ZNF554: variants seen among roughly 807,000 people sequenced by gnomAD.
ZNF554 encodes zinc finger protein 554.
A neutral mutation model predicts 21.2 loss-of-function variants in ZNF554; 15 were observed. The ratio of observed to expected loss-of-function variants is 0.71; its 90% CI spans 0.47 to 1.09. The LOEUF (loss-of-function observed/expected upper bound fraction) is 1.09. Among genes scored for constraint, ZNF554 ranks in the 50% least tolerant of loss-of-function variants. The pLI is 0.00. For synonymous variants in ZNF554, 258 were observed against 251.4 expected (o/e 1.03, Z -0.25); for missense variants, 691 against 662.7 (o/e 1.04, Z -0.47).
At chr19:2,823,588 C>T (rs922295214) in intron 2 of ZNF554, among the ~76,000 whole-genome samples, 6 of 152,102 alleles carry the variant, frequency 3.9e-5, no homozygotes, top group Admixed American at 6.5e-5. Context: ...GCAAGTCATT[C>T]GGACGTCTCT....
At chr19:2,831,438 G>T (rs2087416552) in intron 3 of ZNF554, 1 of 151,924 alleles carries the variant, frequency 6.6e-6, no homozygotes, top group African/African-American at 2.4e-5. Flanking sequence ...GGGACTACAG[G>T]CGCCTGCCAC....
chr19:2,833,559 AG>A, intron 4 of ZNF554, 121 bp from the exon 5 acceptor site: 1 of 771,964 alleles, frequency 1.3e-6, no homozygotes, highest in African/African-American at 1.7e-5. Context: ...GCATGTTCAG[AG>A]TTGATATTTG....
chr19:2,833,207 G>GTGGTCGCCGT, intron 4 of ZNF554: 1 of 155,986 alleles, frequency 6.4e-6, no homozygotes. Context: ...TGTGATCTCG[G>GTGGTCGCCGT]CTCACTGCAA....
At position 2,836,344 on chromosome 19, in the gene ZNF554, G is replaced by A. The variant is rs548495131; in HGVS notation, c.*1492G>A. 9.9e-5 allele frequency among the ~76,000 whole-genome samples: 15 copies of A among 152,278 alleles called. No individual in the cohort carries two copies. The highest frequency in any genetic ancestry group is 9.6e-4 in the East Asian group (5 of 5,182). On this transcript the variant is annotated 3_prime_UTR_variant, in exon 5 of 5. Coordinates refer to ENST00000317243, the MANE Select transcript of ZNF554 (RefSeq NM_001102651.2). ...GCTGGGATTATGGGTGCGAGCCGCC[G>A]TGCTGGGATTACAGGTGTGAACCAC...
chr19:2,822,655 G>A (rs2087278773), intron 1 of ZNF554, among the ~76,000 whole-genome samples: 1 of 152,216 alleles, frequency 6.6e-6, no homozygotes, highest in South Asian at 2.1e-4. Flanking sequence ...TGAGGAAGGT[G>A]GATCCCTTGA....
At position 2,820,684 on chromosome 19, in the gene ZNF554, C is replaced by CTTTTTTTTTTT. The variant is rs762586098; in HGVS notation, c.53+566_53+576dup. On this transcript the variant is annotated intron_variant, in intron 1 of 4. Transcript: ENST00000317243. Reference sequence around the variant, plus strand: ...TCCTGGTGATAAGACAGCAAGGGTCCTTTTTTTTTTTTTTTTGAGACGGAG... The same window carrying CTTTTTTTTTTT: ...TCCTGGTGATAAGACAGCAAGGGTCCTTTTTTTTTTTTTTTTTTTTTTTTTTTGAGACGGAG... 2.5e-3 allele frequency among the ~76,000 whole-genome samples: 257 copies of CTTTTTTTTTTT among 103,108 alleles called. 30 individuals carry two copies. The highest frequency in any genetic ancestry group is 3.7e-3 in the Non-Finnish European group (188 of 50,410). 67.6% of individuals were successfully genotyped at this position (103,108 alleles called of 152,430 possible). A position where few individuals can be genotyped will look rare whatever the true frequency, so the allele number is the denominator to read the frequency against.
rs905219049 is a variant in ZNF554 at position 2,835,201 on chromosome 19, G to A, written c.*349G>A. 3.4e-5 allele frequency: 7 copies of A among 206,104 alleles called. No homozygotes were observed. Among genetic ancestry groups the A allele is most frequent in the African/African-American group, 1.2e-4 (5 of 43,158 alleles). The allele number at this position is 206,104 out of a possible 1,614,324, so 12.8% of individuals were successfully genotyped here. On this transcript the variant is annotated 3_prime_UTR_variant, in exon 5 of 5. Transcript: ENST00000317243. The stretch of plus-strand genomic sequence containing the variant: ...TATTATAGAGTGGGAGGCAGGGTGC[G>A]GTGGCTCATGCCTATAATCCTAACA...
In ZNF554 at chr19:2,819,993, A is replaced by C; in HGVS notation, c.-79A>C. ...GCCGAGCGGAGGAGGCGTCCCAGGG[A>C]CACGCAGGGGAGGCCGGCCGGCCTG... On this transcript the variant is annotated 5_prime_UTR_variant, in exon 1 of 5. Coordinates refer to ENST00000317243, the MANE Select transcript of ZNF554 (RefSeq NM_001102651.2). 9.2e-7 allele frequency: 1 copy of C among 1,091,072 alleles called. No individual in the cohort carries two copies. The highest frequency in any genetic ancestry group is 1.1e-6 in the Non-Finnish European group (1 of 871,818). The allele number at this position is 1,091,072 out of a possible 1,614,324, so 67.6% of individuals were successfully genotyped here.
chr19:2,832,553 T>G, intron 4 of ZNF554, 59 bp downstream of exon 4: 1 of 1,505,038 alleles, frequency 6.6e-7, no homozygotes, highest in Non-Finnish European at 8.9e-7. Context: ...GAAACATTGG[T>G]CAGAGAGCTC....
intron 3 of ZNF554, among the ~76,000 whole-genome samples, chr19:2,830,368 A>G (rs1180326929): frequency 2.0e-5 from 3 of 152,214 alleles, no homozygotes; most frequent in Non-Finnish European, 1.5e-5. Context: ...AGAAGATTCC[A>G]TCGTGTGTAT....
At chr19:2,827,366 A>G (rs1197096895) in intron 2 of ZNF554, among the ~76,000 whole-genome samples, 1 of 152,194 alleles carries the variant, frequency 6.6e-6, no homozygotes, top group Non-Finnish European at 1.5e-5. Flanking sequence ...GTTCAATAAG[A>G]AATGGGCAAA....
chr19:2,827,616 G>A lies in ZNF554; in HGVS notation c.127-1G>A. 4 of 1,612,770 alleles carry A rather than the reference G, an allele frequency of 2.5e-6. No individual in the cohort carries two copies. The highest frequency in any genetic ancestry group is 3.4e-6 in the Non-Finnish European group (4 of 1,179,492). Reference sequence around the variant, plus strand: ...TGAGCAGAACTGCTGTGATATTCTAGGAATTAGTAACCTTTGAGGACGTGT... The same window carrying A: ...TGAGCAGAACTGCTGTGATATTCTAAGAATTAGTAACCTTTGAGGACGTGT... On this transcript the variant is annotated splice_acceptor_variant, in intron 2 of 4. Coordinates refer to ENST00000317243, the MANE Select transcript of ZNF554 (RefSeq NM_001102651.2). LOFTEE classifies it high-confidence loss of function.
At chr19:2,829,767 C>T (rs2087388034) in intron 3 of ZNF554, among the ~76,000 whole-genome samples, 1 of 152,126 alleles carries the variant, frequency 6.6e-6, no homozygotes, top group Non-Finnish European at 1.5e-5. Context: ...TAAATGCATT[C>T]AGCATGTACT....
chr19:2,821,500 G>A lies in ZNF554; in HGVS notation c.53+1376G>A, dbSNP rs567107597. Among the ~76,000 whole-genome samples the A allele has an allele frequency of 6.6e-6, 1 of 151,996 alleles. No homozygotes were observed. The highest frequency in any genetic ancestry group is 2.1e-4 in the South Asian group (1 of 4,826). Reference sequence around the variant, plus strand: ...CAGAAGCCCAACATGAAGATGTGGTGGGGCCGTGGTGCTTCTGAAGGCTCT... The same window carrying A: ...CAGAAGCCCAACATGAAGATGTGGTAGGGCCGTGGTGCTTCTGAAGGCTCT... On this transcript the variant is annotated intron_variant, in intron 1 of 4. Transcript: ENST00000317243. This position sits in a 1 kb window ranked among gnomAD's most constrained non-coding sequence, Gnocchi z 8.2.
Position 2,826,205 on chromosome 19 carries a change from C to CTTTTTTTTTTTTTTTT in ZNF554, c.127-1410_127-1395dup, listed in dbSNP as rs75805232. On this transcript the variant is annotated intron_variant, in intron 2 of 4. Transcript: ENST00000317243. The stretch of plus-strand genomic sequence containing the variant: ...GTGAGCCACCGTGCCCAGCCAGTAA[C>CTTTTTTTTTTTTTTTT]TTTTTTTTTTTTTTTTTGAAATGGA... 3.2e-5 allele frequency: 3 copies of CTTTTTTTTTTTTTTTT among 93,782 alleles called. 1 individual carries two copies. The highest frequency in any genetic ancestry group is 4.3e-5 in the African/African-American group (1 of 23,464). 5.8% of individuals were successfully genotyped at this position (93,782 alleles called of 1,614,324 possible).
intron 2 of ZNF554, among the ~76,000 whole-genome samples, chr19:2,826,058 G>A (rs749155800): frequency 1.3e-5 from 2 of 151,676 alleles, no homozygotes; most frequent in Non-Finnish European, 2.9e-5. Context: ...CCGTCACCAC[G>A]CTTGACTAAT....
In ZNF554 at chr19:2,820,011, C is replaced by G. The variant is rs2087240348; in HGVS notation, c.-61C>G. ...CCCAGGGACACGCAGGGGAGGCCGG[C>G]CGGCCTGCACGGGGCGCTCCCGCCT... On this transcript the variant is annotated 5_prime_UTR_variant, in exon 1 of 5. Coordinates refer to ENST00000317243, the MANE Select transcript of ZNF554 (RefSeq NM_001102651.2). The G allele has an allele frequency of 8.5e-7, 1 of 1,173,132 alleles. No individual in the cohort carries two copies. Among genetic ancestry groups the G allele is most frequent in the Non-Finnish European group, 1.1e-6 (1 of 945,012 alleles). 72.7% of individuals were successfully genotyped at this position (1,173,132 alleles called of 1,614,324 possible).
Position 2,820,136 on chromosome 19 carries a change from C to T in ZNF554, c.53+12C>T, listed in dbSNP as rs1167418409. The T allele has an allele frequency of 8.2e-7, 1 of 1,219,146 alleles. No homozygotes were observed. Among genetic ancestry groups the T allele is most frequent in the African/African-American group, 1.6e-5 (1 of 63,770 alleles). 75.5% of individuals were successfully genotyped at this position (1,219,146 alleles called of 1,614,324 possible). A position where few individuals can be genotyped will look rare whatever the true frequency, so the allele number is the denominator to read the frequency against. ...CCGGCAGCTCAGCCGTAAGTGCCGC[C>T]GCCTCCCGCGCCGCGACCTCCGTGC... On this transcript the variant is annotated intron_variant, in intron 1 of 4. Coordinates refer to ENST00000317243, the MANE Select transcript of ZNF554 (RefSeq NM_001102651.2).
chr19:2,821,754 C>A lies in ZNF554; in HGVS notation c.54-1286C>A, dbSNP rs2087267072. ...CGATCTCGGCTCACTGCAATCTCTA[C>A]CCCACAGGATCAAGCAATTCTGCCT... On this transcript the variant is annotated intron_variant, in intron 1 of 4. Coordinates refer to ENST00000317243, the MANE Select transcript of ZNF554 (RefSeq NM_001102651.2). This position sits in a 1 kb window ranked among gnomAD's most constrained non-coding sequence, Gnocchi z 8.2. 6.6e-6 allele frequency among the ~76,000 whole-genome samples: 1 copy of A among 150,740 alleles called. No homozygotes were observed. Among genetic ancestry groups the A allele is most frequent in the Admixed American group, 6.6e-5 (1 of 15,154 alleles).
Sources: allele counts gnomAD v4.1 joint callset (sites outside exome capture counted in the v4.1 genomes callset), GRCh38; gene constraint gnomAD v4.1.1; non-coding constraint Gnocchi (gnomAD v3.1); transcripts MANE v1.5; gene names NCBI Gene and HGNC (gene_info 2026-07-23, HGNC 2026-07-21).